TIAM2: variants seen among roughly 807,000 people sequenced by gnomAD.
The protein encoded by TIAM2 is rho guanine nucleotide exchange factor TIAM2.
Under a neutral mutation model 152.9 loss-of-function variants are expected in TIAM2, and 80 were observed. The ratio of observed to expected loss-of-function variants is 0.52; its 90% CI spans 0.44 to 0.63. TIAM2 has a LOEUF of 0.63. TIAM2 is among the 30% of genes least tolerant of loss of function. TIAM2 has a pLI of 0.00. For synonymous variants in TIAM2, 804 were observed against 838.0 expected (o/e 0.96, Z 0.70); for missense variants, 1,965 against 2,120.1 (o/e 0.93, Z 1.44).
intron 2 of TIAM2, among the ~76,000 whole-genome samples, chr6:155,111,381 C>T (rs534709266): frequency 6.6e-6 from 1 of 152,108 alleles, no homozygotes; most frequent in South Asian, 2.1e-4. Context: ...TGTATCCAAA[C>T]AGCCAGACAA....
chr6:155,165,110 T>TA (rs1198251148), intron 8 of TIAM2, among the ~76,000 whole-genome samples, 153 bp from the exon 9 acceptor site: 2 of 152,292 alleles, frequency 1.3e-5, no homozygotes, highest in South Asian at 2.1e-4. Context: ...GAGAGTGGTC[T>TA]ATATGATGGA....
chr6:155,205,613 AG>A (rs1781578573), intron 14 of TIAM2, among the ~76,000 whole-genome samples: 1 of 152,184 alleles, frequency 6.6e-6, no homozygotes, highest in Admixed American at 6.5e-5. Flanking sequence ...GCTGCCAGCA[AG>A]ACTGGGATTA....
intron 15 of TIAM2, among the ~76,000 whole-genome samples, chr6:155,239,080 C>T (rs1412200878): frequency 6.6e-6 from 1 of 152,116 alleles, no homozygotes; most frequent in Non-Finnish European, 1.5e-5. Context: ...CAAGTTTGAC[C>T]AACATGCTTG....
rs150970475 is a variant in TIAM2, at chr6:155,244,720, C to A, written c.3480C>A (p.Thr1160=). The A allele has an allele frequency of 1.2e-6, 2 of 1,613,590 alleles. No homozygotes were observed. Among genetic ancestry groups the A allele is most frequent in the Non-Finnish European group, 1.7e-6 (2 of 1,179,884 alleles). ...AGTTTCAGAAGGTGTTTCTGGAGACCCTGGAGGATGGGATTTCAGCATCAT... is the reference window on the plus strand; with the variant it reads ...AGTTTCAGAAGGTGTTTCTGGAGACACTGGAGGATGGGATTTCAGCATCAT... The part of the protein sequence containing the change: ...MLEFQKVFLE[T]LEDGISASSD... Residue 1160 remains threonine, a synonymous_variant, in exon 18 of 27, where the codon ACC becomes ACA. Coordinates refer to ENST00000682666, the MANE Select transcript of TIAM2 (RefSeq NM_012454.4).
chr6:155,100,639 T>A (rs1237091775), intron 2 of TIAM2, among the ~76,000 whole-genome samples: 3 of 152,218 alleles, frequency 2.0e-5, no homozygotes, highest in Non-Finnish European at 4.4e-5. Flanking sequence ...CTTAAAGTCC[T>A]GGACTTTCAA....
intron 7 of TIAM2, among the ~76,000 whole-genome samples, chr6:155,158,766 A>C (rs909328030): frequency 2.2e-5 from 3 of 137,096 alleles, no homozygotes; most frequent in Non-Finnish European, 4.7e-5. Context: ...CACGTTGACC[A>C]GGCTGCAAGT....
chr6:155,164,390 A>C, intron 7 of TIAM2, 25 bp from the exon 8 acceptor site: 1 of 1,542,712 alleles, frequency 6.5e-7, no homozygotes, highest in Non-Finnish European at 8.8e-7. Context: ...ATTTTTATTT[A>C]AATCACCTCT....
At chr6:155,027,431 CTATA>C (rs1253249432) in intron 1 of TIAM2, among the ~76,000 whole-genome samples, 5 of 81,918 alleles carry the variant, frequency 6.1e-5, no homozygotes, top group African/African-American at 1.7e-4. Flanking sequence ...TACATATATA[CTATA>C]TATAATATAT....
At chr6:155,251,836 G>C in intron 22 of TIAM2, 109 bp from the exon 23 acceptor site, 2 of 829,372 alleles carry the variant, frequency 2.4e-6, no homozygotes, top group Non-Finnish European at 3.9e-6. Context: ...TGAGGTCTTA[G>C]AGACTCATAC....
In TIAM2 at chr6:155,084,624, A is replaced by C. The variant is rs78025916; in HGVS notation, c.-208-5665A>C. The stretch of plus-strand genomic sequence containing the variant: ...TTTCACATGGGCTGTTTTATAAATA[A>C]CAACGGTCTTTTTGTAACTTGGCTT... On this transcript the variant is annotated intron_variant, in intron 1 of 26. Transcript: ENST00000682666. Among the ~76,000 whole-genome samples, 417 of 152,264 alleles carry C rather than the reference A, an allele frequency of 2.7e-3. 11 individuals are homozygous for C. The East Asian group carries it at 0.071, about 26-fold the overall frequency.
intron 1 of TIAM2, among the ~76,000 whole-genome samples, chr6:155,078,988 G>A (rs945730244): frequency 5.9e-5 from 9 of 151,600 alleles, no homozygotes; most frequent in African/African-American, 1.9e-4. Context: ...GTGTTTTTTG[G>A]TGTTTTTCTT....
At position 155,180,627 on chromosome 6, in the gene TIAM2, T is replaced by C. The variant is rs1363066699; in HGVS notation, c.2707+1171T>C. Among the ~76,000 whole-genome samples, 3 of 152,082 alleles carry C rather than the reference T, an allele frequency of 2.0e-5. No homozygotes were observed. The East Asian group carries it at 5.8e-4, about 29-fold the overall frequency. On this transcript the variant is annotated intron_variant, in intron 12 of 26. Transcript: ENST00000682666. Reference sequence around the variant, plus strand: ...TTTATTTTTTATTTTTTTTGAGACATAGTCTTGCTCTGTCACCCAGGCTGG... The same window carrying C: ...TTTATTTTTTATTTTTTTTGAGACACAGTCTTGCTCTGTCACCCAGGCTGG...
intron 22 of TIAM2, among the ~76,000 whole-genome samples, chr6:155,251,440 C>G (rs201784624): frequency 6.6e-6 from 1 of 152,124 alleles, no homozygotes. Flanking sequence ...GTGCTCGCCA[C>G]CACGCCCGGC....
chr6:155,147,403 C>T (rs936253630), intron 6 of TIAM2, among the ~76,000 whole-genome samples: 61 of 152,164 alleles, frequency 4.0e-4, no homozygotes, highest in African/African-American at 1.4e-3. Flanking sequence ...GCCCCCTGGG[C>T]TCAAGTGATT....
At position 155,089,309 on chromosome 6, in the gene TIAM2, C is replaced by T. The variant is rs1243715669; in HGVS notation, c.-208-980C>T. 2.0e-5 allele frequency among the ~76,000 whole-genome samples: 3 copies of T among 152,072 alleles called. No individual in the cohort carries two copies. In the East Asian group the frequency reaches 5.8e-4, roughly 29 times the overall value. On this transcript the variant is annotated intron_variant, in intron 1 of 26. Coordinates refer to ENST00000682666, the MANE Select transcript of TIAM2 (RefSeq NM_012454.4). ...CTCAGCTCATTGCAACCTCTGCCTC[C>T]AATTCTCCTGCCTCAGCCTCCCAAG...
intron 20 of TIAM2, among the ~76,000 whole-genome samples, chr6:155,249,150 T>G (rs1783505465): frequency 6.6e-6 from 1 of 152,092 alleles, no homozygotes; most frequent in African/African-American, 2.4e-5. Flanking sequence ...AATGCTGAAT[T>G]GGGAGAAAAA....
chr6:155,047,618 A>G (rs891490035), intron 1 of TIAM2, among the ~76,000 whole-genome samples: 4 of 151,238 alleles, frequency 2.6e-5, no homozygotes, highest in African/African-American at 4.9e-5. Context: ...AAGAGGACAG[A>G]AAGCACTTTC....
intron 10 of TIAM2, among the ~76,000 whole-genome samples, chr6:155,178,821 C>T (rs1418076439): frequency 6.6e-6 from 1 of 152,122 alleles, no homozygotes; most frequent in Non-Finnish European, 1.5e-5. Context: ...GTGATCCACC[C>T]GCCTTGGCCT....
chr6:155,043,187 C>G (rs772285659), intron 1 of TIAM2, among the ~76,000 whole-genome samples: 1 of 152,188 alleles, frequency 6.6e-6, no homozygotes, highest in Non-Finnish European at 1.5e-5. Flanking sequence ...TGACTGTGCA[C>G]TCACCTGCTG....
Sources: allele counts gnomAD v4.1 joint callset (sites outside exome capture counted in the v4.1 genomes callset), GRCh38; gene constraint gnomAD v4.1.1; transcripts MANE v1.5; gene names NCBI Gene and HGNC (gene_info 2026-07-23, HGNC 2026-07-21).